Variants in DLGAP1 observed in about 807,000 individuals in gnomAD.
DLGAP1 encodes DLG associated protein 1.
DLGAP1 carries 11 observed loss-of-function variants against 90.8 expected under a neutral mutation model. That is an observed-to-expected ratio of 0.12 (90% CI 0.08 to 0.20). The LOEUF (loss-of-function observed/expected upper bound fraction) is 0.20. Ranked by LOEUF, DLGAP1 falls within the 10% of genes least tolerant of loss-of-function variation. DLGAP1 has a pLI of 1.00. For missense variants in DLGAP1, 1,050 were observed against 1,333.8 expected (o/e 0.79, Z 3.31); for synonymous variants, 558 against 540.7 (o/e 1.03, Z -0.44).
rs533739014 is a variant in DLGAP1, at chr18:3,856,972, T to C, written c.957+22140A>G. 5.3e-5 allele frequency among the ~76,000 whole-genome samples: 8 copies of C among 152,158 alleles called. No homozygotes were observed. In the East Asian group the frequency reaches 1.5e-3, roughly 29 times the overall value. On this transcript the variant is annotated intron_variant, in intron 4 of 12. Coordinates refer to ENST00000315677, the MANE Select transcript of DLGAP1 (RefSeq NM_004746.4). ...CTTGCTCTATGTATTAAATTATTTA[T>C]AATATAAAGAAATACAGCTGATTAT...
At chr18:3,589,485 G>C (rs563785962) in intron 7 of DLGAP1, among the ~76,000 whole-genome samples, 14 of 152,206 alleles carry the variant, frequency 9.2e-5, no homozygotes, top group Non-Finnish European at 1.6e-4. Flanking sequence ...CTGCATTTTA[G>C]AAATTCTTTA....
intron 7 of DLGAP1, among the ~76,000 whole-genome samples, chr18:3,652,129 A>G (rs189042199): frequency 0.01 from 1,488 of 145,040 alleles, 23 homozygotes; most frequent in African/African-American, 0.036. Flanking sequence ...ACAACACTGC[A>G]CTCCAGCCTG....
At chr18:4,401,884 G>A (rs1347027738) in intron 1 of DLGAP1, among the ~76,000 whole-genome samples, 6 of 152,112 alleles carry the variant, frequency 3.9e-5, no homozygotes, top group Admixed American at 6.5e-5. Flanking sequence ...CAAAAATTCC[G>A]ATGACAAAGT....
chr18:4,417,867 AACAGAGAAC>A (rs1292469294), intron 1 of DLGAP1, among the ~76,000 whole-genome samples: 6 of 152,174 alleles, frequency 3.9e-5, no homozygotes, highest in Non-Finnish European at 5.9e-5. Context: ...AAATGAGAAC[AACAGAGAAC>A]ACTCCGCTGC....
chr18:4,003,079 C>A (rs1297175472), intron 3 of DLGAP1, among the ~76,000 whole-genome samples: 2 of 152,180 alleles, frequency 1.3e-5, no homozygotes. Context: ...AAGCTTTGAG[C>A]CCTGATTCTT....
rs747552428 is a variant in DLGAP1, at chr18:3,581,972, G to A, written c.1868C>T (p.Ala623Val). The A allele has an allele frequency of 6.2e-7, 1 of 1,613,870 alleles. No homozygotes were observed. Among genetic ancestry groups the A allele is most frequent in the Admixed American group, 1.7e-5 (1 of 59,978 alleles). Residue 623 changes from alanine (A) to valine (V), a missense_variant, in exon 8 of 13, where the codon GCC (alanine) becomes GTC (valine). Transcript: ENST00000315677. ...TATGGTAGTCGTGGTGGTGACGGTGGCAGTGTTATTGCCCATGTGTTGACT... is the reference window on the plus strand; with the variant it reads ...TATGGTAGTCGTGGTGGTGACGGTGACAGTGTTATTGCCCATGTGTTGACT... ...PASQHMGNNT[A>V]TVTTTTTIAT... is the part of the protein sequence containing the mutation.
intron 7 of DLGAP1, among the ~76,000 whole-genome samples, chr18:3,679,061 G>A (rs561183743): frequency 9.4e-4 from 143 of 152,048 alleles, no homozygotes; most frequent in Non-Finnish European, 1.8e-3. Flanking sequence ...CACACTCCTG[G>A]GCTCAAGCAA....
chr18:4,172,272 C>CT (rs1049072486), intron 1 of DLGAP1, among the ~76,000 whole-genome samples: 1 of 152,174 alleles, frequency 6.6e-6, no homozygotes, highest in African/African-American at 2.4e-5. Flanking sequence ...ACAGCTGTCA[C>CT]TGAAGTTGAC....
At chr18:4,090,640 C>T (rs9946875) in intron 2 of DLGAP1, among the ~76,000 whole-genome samples, 51,629 of 152,062 alleles carry the variant, frequency 0.34, 9,065 homozygotes, top group African/African-American at 0.41. Flanking sequence ...TTTTACACCA[C>T]TGGTGGGAAT....
At chr18:4,192,876 G>A (rs1475279173) in intron 1 of DLGAP1, among the ~76,000 whole-genome samples, 1 of 152,160 alleles carries the variant, frequency 6.6e-6, no homozygotes, top group Non-Finnish European at 1.5e-5. Flanking sequence ...AGTTGTTCAC[G>A]TTGGAAGAGA....
chr18:3,760,770 G>A (rs755138031), intron 5 of DLGAP1, among the ~76,000 whole-genome samples: 10 of 152,150 alleles, frequency 6.6e-5, no homozygotes, highest in South Asian at 2.1e-4. Context: ...TTCCATTTGC[G>A]TAGGACCAAA....
At position 4,038,515 on chromosome 18, in the gene DLGAP1, A is replaced by G. The variant is rs189874677; in HGVS notation, c.-158-33314T>C. 8.4e-4 allele frequency among the ~76,000 whole-genome samples: 128 copies of G among 152,194 alleles called. 1 individual carries two copies. The East Asian group carries it at 0.013, about 15-fold the overall frequency. ...AATTTTTATCTCCCTCCATTTTTCA[A>G]ATCTTCTATAAAGTAGGTTTATTTT... On this transcript the variant is annotated intron_variant, in intron 2 of 12. Coordinates refer to ENST00000315677, the MANE Select transcript of DLGAP1 (RefSeq NM_004746.4).
chr18:4,354,571 C>T (rs925106069), intron 1 of DLGAP1, among the ~76,000 whole-genome samples: 3 of 152,102 alleles, frequency 2.0e-5, no homozygotes, highest in African/African-American at 4.8e-5. Context: ...GTCACGCAAA[C>T]CTTTGATTAA....
intron 1 of DLGAP1, among the ~76,000 whole-genome samples, chr18:4,268,057 C>T (rs2079170210): frequency 6.6e-6 from 1 of 152,188 alleles, no homozygotes; most frequent in African/African-American, 2.4e-5. Context: ...CAGAGGCCAT[C>T]TTGGAGGCTG....
chr18:3,956,054 T>C (rs1326750559), intron 3 of DLGAP1, among the ~76,000 whole-genome samples: 1 of 152,198 alleles, frequency 6.6e-6, no homozygotes. Context: ...ACTATATATC[T>C]ACCAATCTAA....
intron 7 of DLGAP1, among the ~76,000 whole-genome samples, chr18:3,688,356 G>C (rs1275928123): frequency 6.6e-6 from 1 of 151,996 alleles, no homozygotes. Context: ...ATACAAAGTA[G>C]AAATCCAGCC....
chr18:4,227,195 C>A (rs2078209741), intron 1 of DLGAP1, among the ~76,000 whole-genome samples: 2 of 151,482 alleles, frequency 1.3e-5, no homozygotes, highest in African/African-American at 2.4e-5. Flanking sequence ...ATTAGAACAC[C>A]CTGATATTTA....
chr18:4,285,881 C>T (rs1246031736), intron 1 of DLGAP1, among the ~76,000 whole-genome samples: 1 of 152,174 alleles, frequency 6.6e-6, no homozygotes, highest in African/African-American at 2.4e-5. Context: ...TACAGTTCAT[C>T]CACAAGGACT....
Position 3,517,549 on chromosome 18 carries a change from G to A in DLGAP1, c.2480-8888C>T, listed in dbSNP as rs548808564. The stretch of plus-strand genomic sequence containing the variant: ...TTGAAGAGAGTTGGCCGGGCGCGGT[G>A]GCTCATGCCTGTAATCCCAGCACTT... On this transcript the variant is annotated intron_variant, in intron 10 of 12. Coordinates refer to ENST00000315677, the MANE Select transcript of DLGAP1 (RefSeq NM_004746.4). The surrounding 1 kb of genome is among the most constrained non-coding windows in gnomAD (Gnocchi z 4.1). Among the ~76,000 whole-genome samples, 1 of 152,290 alleles carries A rather than the reference G, an allele frequency of 6.6e-6. No individual in the cohort carries two copies. The highest frequency in any genetic ancestry group is 1.9e-4 in the East Asian group (1 of 5,186).
Sources: allele counts gnomAD v4.1 joint callset (sites outside exome capture counted in the v4.1 genomes callset), GRCh38; gene constraint gnomAD v4.1.1; non-coding constraint Gnocchi (gnomAD v3.1); transcripts MANE v1.5; gene names NCBI Gene and HGNC (gene_info 2026-07-23, HGNC 2026-07-21).